Variants in PPP1R13B observed in about 807,000 individuals in gnomAD.
PPP1R13B encodes protein phosphatase 1 regulatory subunit 13B.
In PPP1R13B, 44 loss-of-function variants were observed where a neutral mutation model predicts 119.8. The ratio of observed to expected loss-of-function variants is 0.37; its 90% confidence interval spans 0.29 to 0.47. The LOEUF is 0.47. Among genes scored for constraint, PPP1R13B ranks in the 20% least tolerant of loss-of-function variants. The probability of loss-of-function intolerance (pLI) is 0.99; values close to 1 mark genes in which losing one functional copy is unlikely to be tolerated. For synonymous variants in PPP1R13B, 542 were observed against 561.5 expected (o/e 0.97, Z 0.49); for missense variants, 1,227 against 1,413.5 (o/e 0.87, Z 2.12).
intron 1 of PPP1R13B, among the ~76,000 whole-genome samples, chr14:103,804,869 G>C (rs1436970523): frequency 6.6e-6 from 1 of 152,110 alleles, no homozygotes; most frequent in Non-Finnish European, 1.5e-5. Context: ...CAGCTATTTT[G>C]CATAACAGTC....
intron 5 of PPP1R13B, among the ~76,000 whole-genome samples, chr14:103,756,184 G>A (rs929522241): frequency 6.6e-6 from 1 of 151,080 alleles, no homozygotes. Flanking sequence ...AACCTCCACC[G>A]CCGGCTTCAA....
rs562853168 is a variant in PPP1R13B, at chr14:103,780,842, G to T, written c.278-2021C>A. 3.3e-5 allele frequency among the ~76,000 whole-genome samples: 5 copies of T among 151,336 alleles called. No individual in the cohort carries two copies. In the East Asian group the frequency reaches 7.7e-4, roughly 23 times the overall value. ...AAAAAAAGAAAGGAAAAGAAAAAAA[G>T]AATATTAGTAAGTTGAAGGGAGAAG... is the stretch of plus-strand genomic sequence containing the variant. On this transcript the variant is annotated intron_variant, in intron 3 of 16. Coordinates refer to ENST00000202556, the MANE Select transcript of PPP1R13B (RefSeq NM_015316.3).
chr14:103,752,025 C>T (rs1427428049), intron 7 of PPP1R13B, among the ~76,000 whole-genome samples: 2 of 152,068 alleles, frequency 1.3e-5, no homozygotes, highest in Admixed American at 6.5e-5. Flanking sequence ...CACAAAGGAC[C>T]GCATACAGGG....
intron 1 of PPP1R13B, among the ~76,000 whole-genome samples, chr14:103,808,141 G>C (rs1328383960): frequency 1.3e-5 from 2 of 151,942 alleles, no homozygotes; most frequent in East Asian, 1.9e-4. Flanking sequence ...GCTACTCAGA[G>C]GCTGAGACAG....
intron 1 of PPP1R13B, among the ~76,000 whole-genome samples, chr14:103,832,611 C>T (rs1032437792): frequency 1.3e-5 from 2 of 152,224 alleles, no homozygotes; most frequent in African/African-American, 4.8e-5. Context: ...TCTTCAACTC[C>T]AGACACTTAA....
In PPP1R13B at chr14:103,787,937, G is replaced by A. The variant is rs971015928; in HGVS notation, c.158-3023C>T. ...AGTGCTGGGATTACAGGCGTGAGCC[G>A]CCGCGCCCAGCCTCCTTTTTTTTTA... is the stretch of plus-strand genomic sequence containing the variant. On this transcript the variant is annotated intron_variant, in intron 2 of 16. Coordinates refer to ENST00000202556, the MANE Select transcript of PPP1R13B (RefSeq NM_015316.3). 4.0e-5 allele frequency among the ~76,000 whole-genome samples: 6 copies of A among 151,700 alleles called. No homozygotes were observed. The East Asian group carries it at 1.2e-3, about 29-fold the overall frequency.
chr14:103,743,674 C>T (rs998149597), intron 9 of PPP1R13B, among the ~76,000 whole-genome samples: 1 of 152,258 alleles, frequency 6.6e-6, no homozygotes. Context: ...CTGGCAGGAA[C>T]AGCACATCCC....
At chr14:103,815,617 C>T (rs8018062) in intron 1 of PPP1R13B, among the ~76,000 whole-genome samples, 66,696 of 151,564 alleles carry the variant, frequency 0.44, 15,081 homozygotes, top group African/African-American at 0.54. Context: ...TTATCCTGCA[C>T]GGTGGCGGGC....
chr14:103,754,063 C>A lies in PPP1R13B; in HGVS notation c.631+7G>T. Reference sequence around the variant, plus strand: ...AGTGGTGTCGAGGGGGTGTTGCAGGCACGTACACAGATTGCCGTTCATGAT... The same window carrying A: ...AGTGGTGTCGAGGGGGTGTTGCAGGAACGTACACAGATTGCCGTTCATGAT... On this transcript the variant is annotated splice_region_variant and intron_variant, in intron 6 of 16. Coordinates refer to ENST00000202556, the MANE Select transcript of PPP1R13B (RefSeq NM_015316.3). 1 of 1,613,520 alleles carries A rather than the reference C, an allele frequency of 6.2e-7. No individual in the cohort carries two copies.
intron 2 of PPP1R13B, among the ~76,000 whole-genome samples, chr14:103,791,655 T>C (rs1030145327): frequency 6.6e-6 from 1 of 152,006 alleles, no homozygotes; most frequent in Non-Finnish European, 1.5e-5. Context: ...ACCCACGAGG[T>C]GGAGGTTGTA....
At chr14:103,776,216 G>C (rs536988297) in intron 4 of PPP1R13B, among the ~76,000 whole-genome samples, 1 of 149,154 alleles carries the variant, frequency 6.7e-6, no homozygotes, top group African/African-American at 2.5e-5. Context: ...AAGGAAGGAA[G>C]GAAGGAAGGA....
chr14:103,746,546 C>G lies in PPP1R13B; in HGVS notation c.977G>C (p.Arg326Pro). Reference sequence around the variant, plus strand: ...CTGTGGTGATGACGTGCCATTCACACGGTTCAGCTACAAATTGGGAAGAAA... The same window carrying G: ...CTGTGGTGATGACGTGCCATTCACAGGGTTCAGCTACAAATTGGGAAGAAA... ...RLYGKKIQLN[R>P]VNGTSSPQSP... Residue 326 changes from arginine to proline, a missense_variant, in exon 9 of 17, where the codon CGT becomes CCT. Coordinates refer to ENST00000202556, the MANE Select transcript of PPP1R13B (RefSeq NM_015316.3). The G allele has an allele frequency of 1.3e-6, 2 of 1,590,188 alleles. No homozygotes were observed. The highest frequency in any genetic ancestry group is 8.6e-7 in the Non-Finnish European group (1 of 1,165,906).
At chr14:103,773,336 C>T (rs368464582) in intron 4 of PPP1R13B, among the ~76,000 whole-genome samples, 2 of 152,220 alleles carry the variant, frequency 1.3e-5, no homozygotes, top group African/African-American at 4.8e-5. Context: ...AAATACTTCT[C>T]GAGATAACAG....
At chr14:103,846,530 C>G (rs933672691) in intron 1 of PPP1R13B, among the ~76,000 whole-genome samples, 4 of 152,170 alleles carry the variant, frequency 2.6e-5, no homozygotes, top group African/African-American at 9.7e-5. Flanking sequence ...CAACCAGTCC[C>G]ACATTTTTTC....
rs35740460 is a variant in PPP1R13B, at chr14:103,753,241, C to CTT, written c.632-47_632-46dup. 9.5e-3 allele frequency: 12,060 copies of CTT among 1,275,376 alleles called. 9 individuals are homozygous for CTT. The highest frequency in any genetic ancestry group is 0.029 in the African/African-American group (1,783 of 61,720). The allele number at this position is 1,275,376 out of a possible 1,614,324, so 79.0% of individuals were successfully genotyped here. On this transcript the variant is annotated intron_variant, in intron 6 of 16. Coordinates refer to ENST00000202556, the MANE Select transcript of PPP1R13B (RefSeq NM_015316.3). ...AAAAGAATAAAAGATTTAGTTGATC[C>CTT]TTTTTTTTTTTCATTTCTATACACT...
intron 8 of PPP1R13B, 44 bp downstream of exon 8, chr14:103,749,750 A>C: frequency 6.3e-7 from 1 of 1,589,862 alleles, no homozygotes; most frequent in Non-Finnish European, 8.6e-7. Flanking sequence ...ATGCTTGGAT[A>C]AACTATCTTT....
At position 103,742,436 on chromosome 14, in the gene PPP1R13B, C is replaced by A; in HGVS notation, c.1321-145G>T. The A allele has an allele frequency of 7.7e-7, 1 of 1,299,040 alleles. No individual in the cohort carries two copies. Among genetic ancestry groups the A allele is most frequent in the East Asian group, 2.4e-5 (1 of 42,118 alleles). The allele number at this position is 1,299,040 out of a possible 1,614,324, so 80.5% of individuals were successfully genotyped here. A position where few individuals can be genotyped will look rare whatever the true frequency, so the allele number is the denominator to read the frequency against. ...AGGACTTGGGGCACACTGTTGAGCT[C>A]ATTGCCTGTCTGCAAAAGTTCTGAC... On this transcript the variant is annotated intron_variant, in intron 10 of 16. Transcript: ENST00000202556. The surrounding 1 kb of genome is among the most constrained non-coding windows in gnomAD (Gnocchi z 4.9).
intron 2 of PPP1R13B, among the ~76,000 whole-genome samples, chr14:103,785,830 G>A (rs919970724): frequency 6.6e-6 from 1 of 151,724 alleles, no homozygotes; most frequent in African/African-American, 2.4e-5. Flanking sequence ...TCCCATTCTT[G>A]AAAGAAACAT....
intron 9 of PPP1R13B, 82 bp downstream of exon 9, chr14:103,746,291 T>TGGGGGGGGGGG: frequency 1.5e-5 from 4 of 272,098 alleles, no homozygotes; most frequent in Non-Finnish European, 3.0e-5. Flanking sequence ...CTCAGGAGCC[T>TGGGGGGGGGGG]GCCCCACCCC....
Sources: allele counts gnomAD v4.1 joint callset (sites outside exome capture counted in the v4.1 genomes callset), GRCh38; gene constraint gnomAD v4.1.1; non-coding constraint Gnocchi (gnomAD v3.1); transcripts MANE v1.5; gene names NCBI Gene and HGNC (gene_info 2026-07-23, HGNC 2026-07-21).